The following LINGO2 variants were observed in gnomAD, a reference collection of about 807,000 sequenced individuals.
The protein encoded by LINGO2 is leucine rich repeat and Ig domain containing 2.
Under a neutral mutation model 30.6 loss-of-function variants are expected in LINGO2, and 14 were observed. That is an observed-to-expected ratio of 0.46 (90% CI 0.30 to 0.72). The LOEUF is 0.72. Ranked by LOEUF, LINGO2 falls within the 30% of genes least tolerant of loss-of-function variation. The pLI is 0.07. For synonymous variants in LINGO2, 317 were observed against 288.5 expected, an observed-to-expected ratio of 1.10 and a Z score of -1.00; for missense variants, 729 against 751.7, an observed-to-expected ratio of 0.97 and a Z score of 0.35.
the LINGO2 span, among the ~76,000 whole-genome samples, chr9:28,957,940 G>T: frequency 1.3e-5 from 2 of 152,108 alleles, no homozygotes; most frequent in African/African-American, 4.8e-5. Flanking sequence ...AGTCTATGAG[G>T]TTGGTGCTGT....
chr9:28,002,332 T>C (rs7022952), intron 5 of LINGO2, among the ~76,000 whole-genome samples: 6,537 of 152,122 alleles, frequency 0.043, 434 homozygotes, highest in African/African-American at 0.15. Context: ...GTAAAATTCA[T>C]CTATCAGCAA....
chr9:28,869,510 A>T, the LINGO2 span, among the ~76,000 whole-genome samples: 6,527 of 152,084 alleles, frequency 0.043, 214 homozygotes, highest in Admixed American at 0.084. Flanking sequence ...TCAAGAGACA[A>T]TGTGTCTGAA....
At chr9:28,640,459 A>G (rs1827516847) in intron 1 of LINGO2, among the ~76,000 whole-genome samples, 1 of 151,184 alleles carries the variant, frequency 6.6e-6, no homozygotes, top group Non-Finnish European at 1.5e-5. Context: ...CAGGTACACC[A>G]ATCATATGTA....
At chr9:28,257,758 A>G (rs547851720) in intron 4 of LINGO2, among the ~76,000 whole-genome samples, 18 of 151,978 alleles carry the variant, frequency 1.2e-4, no homozygotes, top group African/African-American at 4.3e-4. Context: ...AAACTACAAG[A>G]TTTTATTAGG....
intron 1 of LINGO2, among the ~76,000 whole-genome samples, chr9:28,656,677 G>A (rs1001005196): frequency 1.4e-4 from 22 of 152,196 alleles, no homozygotes; most frequent in African/African-American, 4.6e-4. Flanking sequence ...TATAATAAAT[G>A]TTATAGGGAC....
intron 4 of LINGO2, among the ~76,000 whole-genome samples, chr9:28,283,845 T>C (rs1402503124): frequency 1.3e-5 from 2 of 152,168 alleles, no homozygotes; most frequent in African/African-American, 2.4e-5. Context: ...GAAAGATACA[T>C]GATATATTCA....
At chr9:29,100,617 T>C in the LINGO2 span, among the ~76,000 whole-genome samples, 1 of 150,422 alleles carries the variant, frequency 6.6e-6, no homozygotes, top group Non-Finnish European at 1.5e-5. Context: ...CTACAAAAAA[T>C]AGTTAAAAAG....
At chr9:28,781,745 G>A in the LINGO2 span, among the ~76,000 whole-genome samples, 1 of 152,056 alleles carries the variant, frequency 6.6e-6, no homozygotes, top group Non-Finnish European at 1.5e-5. Flanking sequence ...CAGGCATTCA[G>A]AGAAATTATC....
the LINGO2 span, among the ~76,000 whole-genome samples, chr9:28,956,824 A>G: frequency 7.1e-6 from 1 of 140,934 alleles, no homozygotes; most frequent in Non-Finnish European, 1.5e-5. Flanking sequence ...CTCACAGTCT[A>G]CTTAACATAA....
At chr9:28,374,367 TA>T (rs928899914) in intron 2 of LINGO2, among the ~76,000 whole-genome samples, 14 of 152,052 alleles carry the variant, frequency 9.2e-5, no homozygotes, top group African/African-American at 1.7e-4. Flanking sequence ...GTGTTTATAA[TA>T]TTTTTTTATA....
At chr9:28,065,278 A>C (rs1825279038) in intron 4 of LINGO2, among the ~76,000 whole-genome samples, 1 of 151,820 alleles carries the variant, frequency 6.6e-6, no homozygotes, top group Non-Finnish European at 1.5e-5. Context: ...TGAGGTTTGT[A>C]TTTGTTTTGT....
At chr9:29,177,694 CCA>C in the LINGO2 span, among the ~76,000 whole-genome samples, 1 of 152,132 alleles carries the variant, frequency 6.6e-6, no homozygotes, top group Non-Finnish European at 1.5e-5. Flanking sequence ...TTTCCCAAAA[CCA>C]TAATACTTTA....
intron 5 of LINGO2, among the ~76,000 whole-genome samples, chr9:27,990,582 AG>A (rs1821351012): frequency 6.6e-6 from 1 of 151,998 alleles, no homozygotes; most frequent in Admixed American, 6.6e-5. Flanking sequence ...CATTAAAAAA[AG>A]AAAAACTATG....
At chr9:28,017,280 T>C (rs553455110) in intron 4 of LINGO2, among the ~76,000 whole-genome samples, 1 of 152,122 alleles carries the variant, frequency 6.6e-6, no homozygotes, top group East Asian at 1.9e-4. Flanking sequence ...AGAACTAGAA[T>C]ACCACAAGGA....
chr9:28,071,578 G>C (rs547607406), intron 4 of LINGO2, among the ~76,000 whole-genome samples: 1 of 150,648 alleles, frequency 6.6e-6, no homozygotes, highest in South Asian at 2.1e-4. Flanking sequence ...ATAATCATAC[G>C]AGATAATTTT....
intron 2 of LINGO2, among the ~76,000 whole-genome samples, chr9:28,444,227 C>T (rs74470844): frequency 0.02 from 3,082 of 152,304 alleles, 100 homozygotes; most frequent in East Asian, 0.097. Flanking sequence ...CTGGCCAGCT[C>T]GCTGAGCTGC....
At chr9:28,359,761 G>A (rs1335158773) in intron 3 of LINGO2, among the ~76,000 whole-genome samples, 1 of 152,190 alleles carries the variant, frequency 6.6e-6, no homozygotes, top group African/African-American at 2.4e-5. Flanking sequence ...ATCTTCAGCA[G>A]TGGCTGACTG....
chr9:28,955,071 T>C, the LINGO2 span, among the ~76,000 whole-genome samples: 3 of 151,668 alleles, frequency 2.0e-5, 1 homozygote, highest in South Asian at 4.2e-4. Flanking sequence ...CATGAAGTTA[T>C]AGACAAAAAG....
At chr9:28,964,795 G>A in the LINGO2 span, among the ~76,000 whole-genome samples, 1 of 151,920 alleles carries the variant, frequency 6.6e-6, no homozygotes, top group East Asian at 1.9e-4. Context: ...TAGTAGTTTA[G>A]AGAACAAGAT....
Sources: gnomAD v4.1 joint callset for allele counts (sites outside exome capture counted in the v4.1 genomes callset) on GRCh38, gnomAD v4.1.1 for gene constraint, MANE v1.5 for transcripts, NCBI Gene and HGNC (gene_info 2026-07-23, HGNC 2026-07-21) for gene names.